Variants in LMTK2 observed in about 807,000 individuals in gnomAD.
LMTK2 encodes the protein serine/threonine-protein kinase LMTK2.
Under a neutral mutation model 127.5 loss-of-function variants are expected in LMTK2, and 37 were observed. The observed-to-expected ratio is 0.29, with a 90% CI of 0.22 to 0.38. The LOEUF is 0.38. Ranked by LOEUF, LMTK2 falls within the 10% of genes least tolerant of loss-of-function variation. The pLI is 1.00. For missense variants in LMTK2, 1,694 were observed against 1,920.3 expected (o/e 0.88, Z 2.20); for synonymous variants, 819 against 810.1 (o/e 1.01, Z -0.19).
intron 9 of LMTK2, among the ~76,000 whole-genome samples, chr7:98,187,886 C>T (rs1024222143): frequency 4.6e-5 from 7 of 152,098 alleles, no homozygotes; most frequent in South Asian, 2.1e-4. Flanking sequence ...CGTGAGCCAC[C>T]GCACCTGGCC....
chr7:98,188,542 C>T (rs1797474038), intron 9 of LMTK2, among the ~76,000 whole-genome samples: 1 of 152,186 alleles, frequency 6.6e-6, no homozygotes, highest in African/African-American at 2.4e-5. Context: ...AAGCAATCCT[C>T]ATGCCTTAGT....
chr7:98,180,460 C>A (rs1239345834), intron 7 of LMTK2, among the ~76,000 whole-genome samples: 1 of 152,088 alleles, frequency 6.6e-6, no homozygotes, highest in Non-Finnish European at 1.5e-5. Flanking sequence ...AGCCAAAAGC[C>A]AAAAAACTTA....
In LMTK2 at chr7:98,117,208, A is replaced by C. The variant is rs899791701; in HGVS notation, c.103+9928A>C. ...GGAAGTGTCTGTAGACATTCTTTGG[A>C]GTTCTGTTGAAGAGACTCGCGTATT... On this transcript the variant is annotated intron_variant, in intron 1 of 13. Coordinates refer to ENST00000297293, the MANE Select transcript of LMTK2 (RefSeq NM_014916.4). Among the ~76,000 whole-genome samples, 6 of 152,016 alleles carry C rather than the reference A, an allele frequency of 3.9e-5. No individual in the cohort carries two copies. In the South Asian group the frequency reaches 1.2e-3, roughly 32 times the overall value.
chr7:98,198,259 C>T (rs1214641078), intron 11 of LMTK2, among the ~76,000 whole-genome samples: 2 of 149,698 alleles, frequency 1.3e-5, no homozygotes, highest in African/African-American at 2.5e-5. Flanking sequence ...GGCGTGATAT[C>T]GGCTCACTGC....
intron 1 of LMTK2, among the ~76,000 whole-genome samples, chr7:98,113,660 G>A (rs1054316380): frequency 6.6e-6 from 1 of 152,104 alleles, no homozygotes; most frequent in Middle Eastern, 3.2e-3. Context: ...GAATATTCTC[G>A]GAGGAGATGC....
chr7:98,140,003 A>T lies in LMTK2; in HGVS notation c.232-1394A>T, dbSNP rs181150856. Among the ~76,000 whole-genome samples the T allele has an allele frequency of 2.5e-3, 381 of 152,154 alleles. 5 individuals carry two copies. The highest frequency in any genetic ancestry group is 4.1e-3 in the Admixed American group (62 of 15,280). The stretch of plus-strand genomic sequence containing the variant: ...GGTAAATTAACATGGATATCAAGGT[A>T]TACCAGTTCACCAGAATGGTGACGG... On this transcript the variant is annotated intron_variant, in intron 2 of 13. Transcript: ENST00000297293.
At chr7:98,184,955 C>G in intron 7 of LMTK2, 96 bp from the exon 8 acceptor site, 1 of 847,174 alleles carries the variant, frequency 1.2e-6, no homozygotes, top group Non-Finnish European at 2.0e-6. Flanking sequence ...TATACTTACT[C>G]GGATCCCGAG....
intron 3 of LMTK2, among the ~76,000 whole-genome samples, chr7:98,149,755 A>C (rs1002894243): frequency 2.0e-5 from 3 of 152,262 alleles, no homozygotes; most frequent in Non-Finnish European, 4.4e-5. Context: ...AAATATTTAT[A>C]AATTGGACCT....
In LMTK2 at chr7:98,140,637, T is replaced by C. The variant is rs529622320; in HGVS notation, c.232-760T>C. Among the ~76,000 whole-genome samples, 23 of 152,330 alleles carry C rather than the reference T, an allele frequency of 1.5e-4. No homozygotes were observed. In the South Asian group the frequency reaches 4.8e-3, roughly 32 times the overall value. ...GAAATAGAACTCACTTAAAAATATCTTTTCTGAGTCTTTCAACATTTATTT... is the reference window on the plus strand; with the variant it reads ...GAAATAGAACTCACTTAAAAATATCCTTTCTGAGTCTTTCAACATTTATTT... On this transcript the variant is annotated intron_variant, in intron 2 of 13. Coordinates refer to ENST00000297293, the MANE Select transcript of LMTK2 (RefSeq NM_014916.4).
chr7:98,204,416 G>T (rs1378960027), intron 13 of LMTK2, among the ~76,000 whole-genome samples: 1 of 152,134 alleles, frequency 6.6e-6, no homozygotes, highest in Non-Finnish European at 1.5e-5. Context: ...GAGCCTGGGA[G>T]TGTGAGACCA....
At chr7:98,124,095 A>C (rs1267286158) in intron 1 of LMTK2, among the ~76,000 whole-genome samples, 1 of 152,084 alleles carries the variant, frequency 6.6e-6, no homozygotes, top group Non-Finnish European at 1.5e-5. Flanking sequence ...TCTTTTACCT[A>C]AGAGGTTTTT....
intron 1 of LMTK2, among the ~76,000 whole-genome samples, chr7:98,127,656 A>G (rs559105462): frequency 4.7e-4 from 71 of 152,290 alleles, no homozygotes; most frequent in African/African-American, 1.6e-3. Flanking sequence ...GCTTTCTTCA[A>G]TTAATGCATG....
intron 9 of LMTK2, 99 bp from the exon 10 acceptor site, chr7:98,190,629 A>G: frequency 9.2e-7 from 1 of 1,087,338 alleles, no homozygotes; most frequent in Non-Finnish European, 1.4e-6. Flanking sequence ...TTTTCAATAC[A>G]CACCTTGTCC....
chr7:98,181,854 T>A (rs1797361551), intron 7 of LMTK2, among the ~76,000 whole-genome samples: 1 of 152,196 alleles, frequency 6.6e-6, no homozygotes, highest in Admixed American at 6.5e-5. Flanking sequence ...AGATTGGGTT[T>A]CACCATGTTG....
intron 1 of LMTK2, among the ~76,000 whole-genome samples, chr7:98,128,293 G>A (rs938399886): frequency 3.9e-5 from 6 of 152,170 alleles, no homozygotes; most frequent in Admixed American, 2.6e-4. Flanking sequence ...TCCTGAGGGC[G>A]GGCCGTAGTC....
chr7:98,172,982 T>C (rs996059365), intron 7 of LMTK2, among the ~76,000 whole-genome samples: 1 of 152,186 alleles, frequency 6.6e-6, no homozygotes, highest in Non-Finnish European at 1.5e-5. Flanking sequence ...GGTCTCAAAC[T>C]TCTGACCTCA....
chr7:98,186,597 G>C (rs1348638975), intron 8 of LMTK2, among the ~76,000 whole-genome samples: 1 of 152,146 alleles, frequency 6.6e-6, no homozygotes, highest in Non-Finnish European at 1.5e-5. Context: ...GTTTTGCTCA[G>C]AGTCTATGTT....
In LMTK2 at chr7:98,204,177, G is replaced by C; in HGVS notation, c.4474G>C (p.Glu1492Gln). 1 of 1,606,294 alleles carries C rather than the reference G, an allele frequency of 6.2e-7. No homozygotes were observed. The highest frequency in any genetic ancestry group is 1.1e-5 in the South Asian group (1 of 91,052). Reference sequence around the variant, plus strand: ...CACACACCTGACCGACTCGGACATCGAGCAGGGCGGTGAGAGGCGCTGCGT... The same window carrying C: ...CACACACCTGACCGACTCGGACATCCAGCAGGGCGGTGAGAGGCGCTGCGT... ...SLTHLTDSDI[E>Q]QGGSSEDGEK... Residue 1492 changes from glutamate to glutamine, a missense_variant, in exon 13 of 14, where the codon GAG (glutamate) becomes CAG (glutamine). By Grantham distance (29) the Glu-to-Gln change is conservative. Coordinates refer to ENST00000297293, the MANE Select transcript of LMTK2 (RefSeq NM_014916.4).
intron 7 of LMTK2, among the ~76,000 whole-genome samples, chr7:98,175,272 A>G (rs1797259922): frequency 6.6e-6 from 1 of 152,250 alleles, no homozygotes; most frequent in Non-Finnish European, 1.5e-5. Context: ...GCTGGAGGAC[A>G]TTCAGAATTT....
Sources: allele counts gnomAD v4.1 joint callset (sites outside exome capture counted in the v4.1 genomes callset), GRCh38; gene constraint gnomAD v4.1.1; transcripts MANE v1.5; gene names NCBI Gene and HGNC (gene_info 2026-07-23, HGNC 2026-07-21).